Variants in NUFIP1 observed in about 807,000 individuals in gnomAD.
NUFIP1 encodes the protein FMR1-interacting protein NUFIP1.
NUFIP1 carries 38 observed loss-of-function variants against 56.2 expected under a neutral mutation model. That is an observed-to-expected ratio of 0.68 (90% CI 0.52 to 0.89). The LOEUF (loss-of-function observed/expected upper bound fraction) is 0.89. NUFIP1 is among the 40% of genes least tolerant of loss of function. NUFIP1 has a pLI of 0.00. For synonymous variants in NUFIP1, 215 were observed against 212.4 expected, an observed-to-expected ratio of 1.01 and a Z score of -0.10; for missense variants, 567 against 605.8, an observed-to-expected ratio of 0.94 and a Z score of 0.67.
In NUFIP1 at chr13:44,945,799, T is replaced by C. The variant is rs550232844; in HGVS notation, c.1139-2125A>G. On this transcript the variant is annotated intron_variant, in intron 8 of 9. Coordinates refer to ENST00000379161, the MANE Select transcript of NUFIP1 (RefSeq NM_012345.3). ...CCCAATAGTTATACTATTTACTTAC[T>C]ATGAATCAGTGTGATATGATATAAA... is the stretch of plus-strand genomic sequence containing the variant. Among the ~76,000 whole-genome samples the C allele has an allele frequency of 5.8e-4, 89 of 152,186 alleles. 1 individual carries two copies. The highest frequency in any genetic ancestry group is 1.1e-3 in the Non-Finnish European group (75 of 67,908).
intron 1 of NUFIP1, 147 bp downstream of exon 1, chr13:44,988,878 G>T (rs1262802778): frequency 2.8e-6 from 2 of 722,536 alleles, no homozygotes; most frequent in East Asian, 2.9e-5. Flanking sequence ...TTGTAGAGAC[G>T]GGGGTCTCAC....
chr13:44,950,200 G>A (rs1404730882), intron 7 of NUFIP1, among the ~76,000 whole-genome samples: 1 of 152,180 alleles, frequency 6.6e-6, no homozygotes, highest in East Asian at 1.9e-4. Flanking sequence ...ACTGGATTGG[G>A]ATCACTGCCT....
At chr13:44,947,664 A>G (rs1335349499) in intron 8 of NUFIP1, among the ~76,000 whole-genome samples, 2 of 152,218 alleles carry the variant, frequency 1.3e-5, no homozygotes, top group African/African-American at 4.8e-5. Flanking sequence ...GTATAAAAAT[A>G]CTGTTCCATC....
intron 6 of NUFIP1, among the ~76,000 whole-genome samples, chr13:44,964,857 T>C (rs769990518): frequency 2.0e-5 from 3 of 152,192 alleles, no homozygotes; most frequent in African/African-American, 7.2e-5. Context: ...TAGTGAGTAG[T>C]TAGTTTCAGA....
At chr13:44,941,701 A>G (rs186874179) in intron 9 of NUFIP1, among the ~76,000 whole-genome samples, 56 of 151,014 alleles carry the variant, frequency 3.7e-4, no homozygotes, top group African/African-American at 1.2e-3. Context: ...TTTTAGTAGA[A>G]ACGGGGTTTC....
intron 5 of NUFIP1, among the ~76,000 whole-genome samples, chr13:44,973,419 G>A (rs1871869821): frequency 6.6e-6 from 1 of 152,124 alleles, no homozygotes; most frequent in South Asian, 2.1e-4. Flanking sequence ...ATAAATACAA[G>A]TCTCAGTAAG....
At chr13:44,956,199 T>G (rs1477418042) in intron 7 of NUFIP1, among the ~76,000 whole-genome samples, 2 of 151,978 alleles carry the variant, frequency 1.3e-5, no homozygotes, top group Non-Finnish European at 2.9e-5. Flanking sequence ...AAATTTTTGT[T>G]GGGCTGCATT....
At chr13:44,985,983 G>A (rs1391651234) in intron 1 of NUFIP1, among the ~76,000 whole-genome samples, 1 of 152,038 alleles carries the variant, frequency 6.6e-6, no homozygotes, top group African/African-American at 2.4e-5. Flanking sequence ...ACTGAGAAAG[G>A]GTCTCACTGT....
intron 8 of NUFIP1, among the ~76,000 whole-genome samples, chr13:44,948,045 C>T (rs12429521): frequency 0.084 from 12,730 of 152,044 alleles, 911 homozygotes; most frequent in African/African-American, 0.18. Context: ...TAAAGCCTAA[C>T]GGCTCCTTAT....
chr13:44,986,484 G>A (rs779842722), intron 1 of NUFIP1, among the ~76,000 whole-genome samples: 6 of 152,070 alleles, frequency 3.9e-5, no homozygotes, highest in South Asian at 2.1e-4. Flanking sequence ...GAGGTCAGGC[G>A]ATCGAGACCA....
intron 9 of NUFIP1, 70 bp downstream of exon 9, chr13:44,943,371 CA>C: frequency 8.5e-6 from 11 of 1,297,076 alleles, no homozygotes; most frequent in Admixed American, 5.4e-5. Context: ...CACACACACA[CA>C]CACACCCCAG....
chr13:44,977,805 T>TC (rs1451755770), intron 5 of NUFIP1, among the ~76,000 whole-genome samples: 2 of 152,162 alleles, frequency 1.3e-5, no homozygotes, highest in Non-Finnish European at 2.9e-5. Context: ...TCCCAGCACT[T>TC]TGGGAGGCTG....
At chr13:44,984,729 T>C (rs939644979) in intron 1 of NUFIP1, among the ~76,000 whole-genome samples, 3 of 152,146 alleles carry the variant, frequency 2.0e-5, no homozygotes, top group Non-Finnish European at 4.4e-5. Context: ...ATTATTATAC[T>C]TTAAGTTTTA....
intron 1 of NUFIP1, among the ~76,000 whole-genome samples, chr13:44,985,257 T>C (rs1566065890): frequency 3.9e-5 from 6 of 152,238 alleles, no homozygotes; most frequent in Admixed American, 3.3e-4. Context: ...CTGGACTTCC[T>C]TCCAAATCTG....
rs1872579179 is a variant in NUFIP1, at chr13:44,989,414, A to G, written c.23T>C (p.Phe8Ser). 6.2e-7 allele frequency: 1 copy of G among 1,613,462 alleles called. No homozygotes were observed. Among genetic ancestry groups the G allele is most frequent in the African/African-American group, 1.3e-5 (1 of 74,910 alleles). Residue 8 changes from phenylalanine to serine, a missense_variant, in exon 1 of 10, where the codon TTC becomes TCC. Physicochemically the swap from Phe to Ser is radical, Grantham distance 155. Coordinates refer to ENST00000379161, the MANE Select transcript of NUFIP1 (RefSeq NM_012345.3). MAEPTSD[F>S]ETPIGWHASP... is the part of the protein sequence containing the mutation. ...CGCATGCCACCCGATAGGAGTCTCG[A>G]AATCACTAGTCGGCTCAGCCATACC...
chr13:44,942,542 C>A (rs927769042), intron 9 of NUFIP1, among the ~76,000 whole-genome samples: 6 of 152,158 alleles, frequency 3.9e-5, no homozygotes, highest in African/African-American at 1.4e-4. Flanking sequence ...ACTTTAGCTA[C>A]AAAATAAGTA....
chr13:44,946,685 T>TA (rs1870911141), intron 8 of NUFIP1, among the ~76,000 whole-genome samples: 1 of 152,202 alleles, frequency 6.6e-6, no homozygotes, highest in Non-Finnish European at 1.5e-5. Flanking sequence ...TGCTAATTCT[T>TA]AAGTCAAGAC....
chr13:44,944,396 C>T (rs901647839), intron 8 of NUFIP1, among the ~76,000 whole-genome samples: 4 of 151,996 alleles, frequency 2.6e-5, no homozygotes, highest in African/African-American at 4.8e-5. Flanking sequence ...GGGGTCAATT[C>T]GTCAATAAGA....
Position 44,949,732 on chromosome 13 carries a change from A to T in NUFIP1, c.1128T>A (p.Ser376Arg). Residue 376 changes from serine to arginine, a missense_variant, in exon 8 of 10, where the codon AGT (serine) becomes AGA (arginine). Transcript: ENST00000379161. ...SSYGSLSGSE[S>R]EPEETPIKTE... is the part of the protein sequence containing the mutation. ...CACACCATGACTTACCTTCTGGCTC[A>T]CTCTCTGACCCTGAAAGACTGCCAT... 1 of 1,600,096 alleles carries T rather than the reference A, an allele frequency of 6.2e-7. No individual in the cohort carries two copies. Among genetic ancestry groups the T allele is most frequent in the Non-Finnish European group, 8.5e-7 (1 of 1,173,854 alleles).
Sources: allele counts gnomAD v4.1 joint callset (sites outside exome capture counted in the v4.1 genomes callset), GRCh38; gene constraint gnomAD v4.1.1; transcripts MANE v1.5; gene names NCBI Gene and HGNC (gene_info 2026-07-23, HGNC 2026-07-21).